The following MFSD1 variants were observed in gnomAD, a reference collection of about 807,000 sequenced individuals.
The protein encoded by MFSD1 is major facilitator superfamily domain containing 1.
Under a neutral mutation model 67.1 loss-of-function variants are expected in MFSD1, and 59 were observed. The observed-to-expected ratio is 0.88, with a 90% CI of 0.71 to 1.09. MFSD1 has a LOEUF of 1.09. MFSD1 is among the 50% of genes least tolerant of loss of function. The pLI is 0.00. For missense variants in MFSD1, 552 were observed against 566.1 expected (o/e 0.97, Z 0.25); for synonymous variants, 213 against 200.3 (o/e 1.06, Z -0.54).
At chr3:158,812,209 A>G (rs554788663) in intron 6 of MFSD1, among the ~76,000 whole-genome samples, 5 of 152,276 alleles carry the variant, frequency 3.3e-5, no homozygotes, top group African/African-American at 1.2e-4. Context: ...GGCAATAGAA[A>G]AATCATGGAG....
chr3:158,824,288 T>G, intron 13 of MFSD1, 52 bp downstream of exon 13: 1 of 1,302,746 alleles, frequency 7.7e-7, no homozygotes, highest in Non-Finnish European at 1.1e-6. Flanking sequence ...TAACAGAATG[T>G]TCTTATTTTT....
chr3:158,813,344 C>T (rs920219350), intron 6 of MFSD1, among the ~76,000 whole-genome samples: 7 of 152,026 alleles, frequency 4.6e-5, no homozygotes, highest in African/African-American at 1.7e-4. Context: ...GACAGGGTTT[C>T]ACCATGTTGG....
At chr3:158,803,707 T>A (rs1459651203) in intron 1 of MFSD1, among the ~76,000 whole-genome samples, 1 of 152,214 alleles carries the variant, frequency 6.6e-6, no homozygotes, top group Admixed American at 6.5e-5. Flanking sequence ...TTAAAATAAA[T>A]CCGAGTGCAT....
rs746523217 is a variant in MFSD1, at chr3:158,809,254, G to A, written c.516G>A (p.Leu172=). 3 of 1,610,068 alleles carry A rather than the reference G, an allele frequency of 1.9e-6. No homozygotes were observed. Among genetic ancestry groups the A allele is most frequent in the Non-Finnish European group, 2.5e-6 (3 of 1,178,588 alleles). The change falls in exon 6 of 16, where the codon CTG becomes CTA. Residue 172 remains leucine (L), a synonymous_variant. Coordinates refer to ENST00000415822, the MANE Select transcript of MFSD1 (RefSeq NM_022736.4). ...VSWFKGKELN[L]VFGLQLSMAR... ...GGTTTAAAGGCAAAGAATTAAACCTGGTGTTTGGACTTCAACTTAGCATGG... is the reference window on the plus strand; with the variant it reads ...GGTTTAAAGGCAAAGAATTAAACCTAGTGTTTGGACTTCAACTTAGCATGG...
intron 6 of MFSD1, among the ~76,000 whole-genome samples, chr3:158,812,745 C>T (rs931391407): frequency 2.0e-5 from 3 of 152,180 alleles, no homozygotes; most frequent in Non-Finnish European, 2.9e-5. Context: ...ACCCCAATGG[C>T]TTCCCATCTC....
intron 2 of MFSD1, among the ~76,000 whole-genome samples, 162 bp downstream of exon 2, chr3:158,804,533 G>A (rs137968388): frequency 7.8e-4 from 118 of 152,246 alleles, no homozygotes; most frequent in Non-Finnish European, 1.9e-4. Flanking sequence ...TTCTTAAGTT[G>A]AAATGAGTTA....
Position 158,802,259 on chromosome 3 carries a change from C to G in MFSD1, c.107C>G (p.Pro36Arg). 2 of 1,611,530 alleles carry G rather than the reference C, an allele frequency of 1.2e-6. No individual in the cohort carries two copies. The highest frequency in any genetic ancestry group is 1.7e-6 in the Non-Finnish European group (2 of 1,178,698). Residue 36 changes from proline to arginine, a missense_variant, in exon 1 of 16, where the codon CCC becomes CGC. By Grantham distance (103) the Pro-to-Arg change is moderately radical (BLOSUM62 -2). Transcript: ENST00000415822. ...GGAGCCCTGCCGGCCCTCTGCGACC[C>G]CAGTCGCCTGGCGCACCGGCTTTTG... ...APGALPALCD[P>R]SRLAHRLLVL...
chr3:158,828,479 A>G (rs547798978), intron 15 of MFSD1, among the ~76,000 whole-genome samples: 1 of 152,244 alleles, frequency 6.6e-6, no homozygotes, highest in South Asian at 2.1e-4. Flanking sequence ...TATTATGTTA[A>G]AAGTTTGGAA....
chr3:158,820,193 T>A (rs760531366), intron 8 of MFSD1, 22 bp from the exon 9 acceptor site: 2 of 1,351,338 alleles, frequency 1.5e-6, no homozygotes, highest in East Asian at 4.6e-5. Flanking sequence ...ATGCTGATAG[T>A]GTCTTCCCTT....
intron 1 of MFSD1, chr3:158,802,701 G>A: frequency 2.5e-6 from 1 of 397,166 alleles, no homozygotes; most frequent in South Asian, 2.0e-5. Context: ...AACAACTTTT[G>A]TTTGTTTGGT....
intron 4 of MFSD1, 77 bp downstream of exon 4, chr3:158,807,159 C>T: frequency 1.5e-6 from 2 of 1,372,950 alleles, no homozygotes; most frequent in East Asian, 2.3e-5. Context: ...ATTGGCAAAG[C>T]TGTGTTTAAT....
chr3:158,804,593 C>A (rs942656742), intron 2 of MFSD1, among the ~76,000 whole-genome samples: 1 of 152,140 alleles, frequency 6.6e-6, no homozygotes, highest in Non-Finnish European at 1.5e-5. Context: ...TTGTTTCAGA[C>A]CTTAGATAAA....
rs750982631 is a variant in MFSD1, at chr3:158,809,188, C to A, written c.450C>A (p.Gly150=). The A allele has an allele frequency of 5.9e-6, 9 of 1,523,692 alleles. No homozygotes were observed. In the East Asian group the frequency reaches 2.1e-4, roughly 36 times the overall value. 94.4% of individuals were successfully genotyped at this position (1,523,692 alleles called of 1,614,324 possible). A position where few individuals can be genotyped will look rare whatever the true frequency, so the allele number is the denominator to read the frequency against. ...TTTTTTCTATTTTTAGGATTGGTGG[C>A]GAGTCCTTAGCAGTTGCCCAGAATA... ...EFGRFVFGIG[G]ESLAVAQNTY... The change falls in exon 6 of 16, where the codon GGC becomes GGA. Residue 150 remains glycine (G), a synonymous_variant. Transcript: ENST00000415822.
Position 158,804,331 on chromosome 3 carries a change from G to A in MFSD1, c.176G>A (p.Cys59Tyr). 1 of 1,609,016 alleles carries A rather than the reference G, an allele frequency of 6.2e-7. No homozygotes were observed. The highest frequency in any genetic ancestry group is 2.2e-5 in the East Asian group (1 of 44,798). Residue 59 changes from cysteine (C) to tyrosine (Y), a missense_variant, in exon 2 of 16, where the codon TGC becomes TAC. Coordinates refer to ENST00000415822, the MANE Select transcript of MFSD1 (RefSeq NM_022736.4). ...TGCTCTTTTCTAGGCAGCTATTTTT[G>A]CTATGATAATCCTGCTGCCCTTCAG... ...MCFLGFGSYF[C>Y]YDNPAALQTQ...
chr3:158,813,835 G>A, intron 6 of MFSD1, 130 bp from the exon 7 acceptor site: 1 of 367,322 alleles, frequency 2.7e-6, no homozygotes, highest in Non-Finnish European at 4.7e-6. Context: ...TTCTTGTAGT[G>A]TCTTTTAAGG....
chr3:158,823,334 T>G, intron 11 of MFSD1, 94 bp from the exon 12 acceptor site: 1 of 858,838 alleles, frequency 1.2e-6, no homozygotes, highest in South Asian at 1.3e-5. Context: ...TATATATATA[T>G]TAACTACTCT....
At chr3:158,805,524 A>G (rs1227447030) in intron 3 of MFSD1, 50 bp downstream of exon 3, 1 of 1,278,704 alleles carries the variant, frequency 7.8e-7, no homozygotes, top group South Asian at 1.2e-5. Context: ...TGTTAGAAAA[A>G]TACAGAGCTA....
intron 15 of MFSD1, 36 bp downstream of exon 15, chr3:158,827,373 T>C: frequency 7.8e-7 from 1 of 1,277,382 alleles, no homozygotes; most frequent in Non-Finnish European, 1.1e-6. Context: ...GTCTTTATTT[T>C]TGAAATCTTA....
chr3:158,814,175 T>C (rs1730190538), intron 7 of MFSD1, 108 bp downstream of exon 7: 1 of 749,270 alleles, frequency 1.3e-6, no homozygotes, highest in East Asian at 2.8e-5. Flanking sequence ...TTGGTTATAG[T>C]GTTGTCTCCA....
Sources: gnomAD v4.1 joint callset for allele counts (sites outside exome capture counted in the v4.1 genomes callset) on GRCh38, gnomAD v4.1.1 for gene constraint, MANE v1.5 for transcripts, NCBI Gene and HGNC (gene_info 2026-07-23, HGNC 2026-07-21) for gene names.